The following MYO10 variants were observed in gnomAD, a reference collection of about 807,000 sequenced individuals.
The protein encoded by MYO10 is unconventional myosin-X.
Under a neutral mutation model 257.3 loss-of-function variants are expected in MYO10, and 133 were observed. The ratio of observed to expected loss-of-function variants is 0.52; its 90% CI spans 0.45 to 0.60. The LOEUF is 0.60. Ranked by LOEUF, MYO10 falls within the 20% of genes least tolerant of loss-of-function variation. MYO10 has a pLI of 0.00. For synonymous variants in MYO10, 1,104 were observed against 1,028.6 expected (o/e 1.07, Z -1.40); for missense variants, 2,399 against 2,635.7 (o/e 0.91, Z 1.97).
chr5:16,682,464 G>A lies in MYO10; in HGVS notation c.4047-451C>T, dbSNP rs73049037. 7.7e-3 allele frequency among the ~76,000 whole-genome samples: 1,173 copies of A among 152,174 alleles called. 12 individuals carry two copies. The highest frequency in any genetic ancestry group is 0.027 in the African/African-American group (1,106 of 41,500). ...TGGAGCATCTTAAATGCTTGATTAC[G>A]CTTTATACAAAAAGCCACCTGGGTC... is the stretch of plus-strand genomic sequence containing the variant. On this transcript the variant is annotated intron_variant, in intron 30 of 40. Coordinates refer to ENST00000513610, the MANE Select transcript of MYO10 (RefSeq NM_012334.3).
At chr5:16,685,639 G>C (rs1191645797) in intron 29 of MYO10, 99 bp downstream of exon 29, 11 of 894,462 alleles carry the variant, frequency 1.2e-5, no homozygotes, top group Non-Finnish European at 1.7e-5. Context: ...AAAAAAGACT[G>C]TCTGGAAATT....
chr5:16,935,734 A>C, intron 1 of MYO10, 54 bp downstream of exon 1: 1 of 1,608,350 alleles, frequency 6.2e-7, no homozygotes, highest in Non-Finnish European at 8.5e-7. Flanking sequence ...CGTGGTGGGC[A>C]GACGCCTCTC....
chr5:16,917,250 T>C (rs1745848806), intron 1 of MYO10, among the ~76,000 whole-genome samples: 1 of 152,202 alleles, frequency 6.6e-6, no homozygotes, highest in African/African-American at 2.4e-5. Context: ...GAAATTACTT[T>C]AGGAATAATG....
At chr5:16,697,135 C>G (rs775910976) in intron 26 of MYO10, among the ~76,000 whole-genome samples, 32 of 152,166 alleles carry the variant, frequency 2.1e-4, no homozygotes, top group Middle Eastern at 6.8e-3. Context: ...AAAAGTCTCC[C>G]CTAAACCAAA....
At chr5:16,729,820 C>T (rs1229191530) in intron 19 of MYO10, among the ~76,000 whole-genome samples, 1 of 152,140 alleles carries the variant, frequency 6.6e-6, no homozygotes, top group African/African-American at 2.4e-5. Flanking sequence ...GCCAACCCTA[C>T]GAACTCATCC....
chr5:16,776,935 C>T (rs1579978853), intron 9 of MYO10, among the ~76,000 whole-genome samples: 1 of 151,874 alleles, frequency 6.6e-6, no homozygotes, highest in African/African-American at 2.4e-5. Context: ...AATTATTGTT[C>T]GTTACTTCAA....
At position 16,700,967 on chromosome 5, in the gene MYO10, G is replaced by T. The variant is rs1223440809; in HGVS notation, c.3428C>A (p.Ser1143Tyr). The stretch of plus-strand genomic sequence containing the variant: ...ACACGCCAGGCAGGTACTTACCGAG[G>T]ACTGCGCCCCCTCAGAGCTGAACCG... ...AYRFSSEGAQ[S>Y]SFEDSEEDFD... The change falls in exon 25 of 41, where the codon TCC (serine) becomes TAC (tyrosine). Residue 1143 changes from serine (S) to tyrosine (Y), a missense_variant. Ser to Tyr is a moderately radical substitution (Grantham distance 144). Around this residue, in one of 3 missense-constraint regions of MYO10, gnomAD observed 1,820 missense variants for 1,939.4 expected, o/e 0.94. Transcript: ENST00000513610. 6.4e-7 allele frequency: 1 copy of T among 1,552,186 alleles called. No individual in the cohort carries two copies. Among genetic ancestry groups the T allele is most frequent in the South Asian group, 1.2e-5 (1 of 83,940 alleles).
chr5:16,844,954 GCA>G (rs70943809), intron 2 of MYO10, among the ~76,000 whole-genome samples: 34,557 of 141,952 alleles, frequency 0.24, 4,027 homozygotes, highest in East Asian at 0.31. Context: ...ACACACACAC[GCA>G]CACACACACA....
At chr5:16,861,609 G>C (rs1214286612) in intron 2 of MYO10, among the ~76,000 whole-genome samples, 2 of 152,126 alleles carry the variant, frequency 1.3e-5, no homozygotes, top group African/African-American at 2.4e-5. Flanking sequence ...GTAGGGGTAA[G>C]TGAGAAGTGG....
intron 2 of MYO10, among the ~76,000 whole-genome samples, chr5:16,840,171 C>T (rs926157162): frequency 3.3e-5 from 5 of 151,982 alleles, no homozygotes; most frequent in African/African-American, 4.8e-5. Flanking sequence ...CCAGCACTTT[C>T]GGAGGCTTAG....
intron 25 of MYO10, among the ~76,000 whole-genome samples, chr5:16,700,139 G>A (rs1668260248): frequency 6.6e-6 from 1 of 152,090 alleles, no homozygotes; most frequent in Non-Finnish European, 1.5e-5. Context: ...TCCAGAAACT[G>A]GAAAAGAGTA....
chr5:16,713,423 C>G (rs746801178), intron 19 of MYO10: 73 of 985,730 alleles, frequency 7.4e-5, no homozygotes, highest in African/African-American at 1.2e-4. Flanking sequence ...ACCTTTTCCC[C>G]ACAGCTAAAG....
Position 16,773,793 on chromosome 5 carries a change from A to C in MYO10, c.931-4590T>G, listed in dbSNP as rs112146696. On this transcript the variant is annotated intron_variant, in intron 9 of 40. Transcript: ENST00000513610. ...AAAAATACAAAGGTTGTATAAGAAG[A>C]TATGTAAGCAAATGAACAAATGTGT... is the stretch of plus-strand genomic sequence containing the variant. Among the ~76,000 whole-genome samples, 395 of 149,166 alleles carry C rather than the reference A, an allele frequency of 2.6e-3. 1 individual carries two copies. Among genetic ancestry groups the C allele is most frequent in the African/African-American group, 9.4e-3 (384 of 40,820 alleles).
intron 2 of MYO10, among the ~76,000 whole-genome samples, chr5:16,866,179 C>T (rs192592159): frequency 6.6e-6 from 1 of 152,032 alleles, no homozygotes; most frequent in African/African-American, 2.4e-5. Flanking sequence ...CTTCAGACAC[C>T]CAGCAGAAAA....
At chr5:16,825,618 C>G (rs1200696806) in intron 2 of MYO10, among the ~76,000 whole-genome samples, 2 of 152,214 alleles carry the variant, frequency 1.3e-5, no homozygotes, top group African/African-American at 2.4e-5. Flanking sequence ...CCCCAGTGCC[C>G]AGCCCTGGCA....
At chr5:16,688,056 C>T (rs1384205967) in intron 28 of MYO10, among the ~76,000 whole-genome samples, 4 of 152,162 alleles carry the variant, frequency 2.6e-5, no homozygotes, top group African/African-American at 9.7e-5. Context: ...TTAAATTTAG[C>T]AGGTTCATCG....
intron 26 of MYO10, 116 bp downstream of exon 26, chr5:16,699,334 T>G (rs1321232749): frequency 4.5e-6 from 6 of 1,343,176 alleles, no homozygotes; most frequent in Non-Finnish European, 6.0e-6. Context: ...CCAGTCCCCA[T>G]CCATCAGCCC....
At chr5:16,690,984 G>A (rs992970193) in intron 27 of MYO10, among the ~76,000 whole-genome samples, 4 of 152,068 alleles carry the variant, frequency 2.6e-5, no homozygotes, top group Non-Finnish European at 2.9e-5. Flanking sequence ...AAGTGCAAAT[G>A]TTCGGCCGGG....
chr5:16,826,132 A>G (rs746315969), intron 2 of MYO10, among the ~76,000 whole-genome samples: 6 of 152,108 alleles, frequency 3.9e-5, no homozygotes, highest in Non-Finnish European at 8.8e-5. Context: ...TGGGTGATAT[A>G]GAATGAGACT....
Sources: allele counts gnomAD v4.1 joint callset (sites outside exome capture counted in the v4.1 genomes callset), GRCh38; gene constraint gnomAD v4.1.1; regional missense constraint gnomAD v4.1.1; transcripts MANE v1.5; gene names NCBI Gene and HGNC (gene_info 2026-07-23, HGNC 2026-07-21).